The following TYW1 variants were observed in gnomAD, a reference collection of about 807,000 sequenced individuals.
TYW1 encodes tRNA-yW synthesizing protein 1 homolog, also known as S-adenosyl-L-methionine-dependent tRNA 4-demethylwyosine synthase TYW1.
TYW1 carries 46 observed loss-of-function variants against 96.2 expected under a neutral mutation model. The ratio of observed to expected loss-of-function variants is 0.48; its 90% confidence interval spans 0.38 to 0.61. The LOEUF is 0.61. TYW1 is among the 20% of genes least tolerant of loss of function. The pLI is 0.00. For missense variants in TYW1, 684 were observed against 909.6 expected (o/e 0.75, Z 3.19); for synonymous variants, 274 against 323.0 (o/e 0.85, Z 1.63).
At chr7:67,036,266 G>A (rs1794839613) in intron 7 of TYW1, among the ~76,000 whole-genome samples, 1 of 150,976 alleles carries the variant, frequency 6.6e-6, no homozygotes, top group African/African-American at 2.4e-5. Flanking sequence ...GTGGCTGCTG[G>A]GGACTGGTAT....
chr7:67,148,122 G>T lies in TYW1; in HGVS notation c.1698+30504G>T, dbSNP rs200955252. Among the ~76,000 whole-genome samples the T allele has an allele frequency of 3.0e-4, 46 of 151,980 alleles. No individual in the cohort carries two copies. The East Asian group carries it at 7.6e-3, about 25-fold the overall frequency. ...CAGAAGGCTTTGGGGTTTGTGGGGG[G>T]GCTTTGAGGGGAGGGTTATTGGTCT... On this transcript the variant is annotated intron_variant, in intron 13 of 15. Coordinates refer to ENST00000359626, the MANE Select transcript of TYW1 (RefSeq NM_018264.4).
intron 10 of TYW1, among the ~76,000 whole-genome samples, chr7:67,071,335 A>G (rs893660706): frequency 5.3e-5 from 8 of 151,652 alleles, no homozygotes; most frequent in African/African-American, 1.9e-4. Flanking sequence ...GGGGTCAGCT[A>G]ATGATTTGAC....
intron 13 of TYW1, among the ~76,000 whole-genome samples, chr7:67,180,912 G>A (rs1295632145): frequency 6.6e-6 from 1 of 152,088 alleles, no homozygotes; most frequent in Non-Finnish European, 1.5e-5. Flanking sequence ...CCAAAGTGCT[G>A]GGATTACAGG....
intron 15 of TYW1, among the ~76,000 whole-genome samples, chr7:67,215,981 C>T (rs572228929): frequency 1.4e-5 from 2 of 146,320 alleles, no homozygotes; most frequent in East Asian, 3.9e-4. Context: ...CATACAGACA[C>T]ACCCAGGATT....
At chr7:67,164,185 A>G (rs548056512) in intron 13 of TYW1, among the ~76,000 whole-genome samples, 2 of 152,264 alleles carry the variant, frequency 1.3e-5, no homozygotes, top group East Asian at 3.9e-4. Context: ...TGCTGCGTTT[A>G]TAAGTTTGTT....
Position 67,228,689 on chromosome 7 carries a change from C to A in TYW1, c.1978-9619C>A, listed in dbSNP as rs537434239. Among the ~76,000 whole-genome samples the A allele has an allele frequency of 2.6e-5, 4 of 152,280 alleles. No individual in the cohort carries two copies. In the South Asian group the frequency reaches 8.3e-4, roughly 32 times the overall value. ...CATATATAAGATTTCCTTCTTATTT[C>A]AACTCTTGAATGTGTAGAACTATGA... On this transcript the variant is annotated intron_variant, in intron 15 of 15. Coordinates refer to ENST00000359626, the MANE Select transcript of TYW1 (RefSeq NM_018264.4).
chr7:67,192,186 G>A (rs185573697), intron 14 of TYW1, among the ~76,000 whole-genome samples: 2 of 152,136 alleles, frequency 1.3e-5, no homozygotes, highest in Admixed American at 6.5e-5. Context: ...ATGAGCCACC[G>A]TGCCTAGCCT....
intron 15 of TYW1, among the ~76,000 whole-genome samples, chr7:67,206,352 C>T (rs1219636575): frequency 6.6e-6 from 1 of 152,042 alleles, no homozygotes; most frequent in Non-Finnish European, 1.5e-5. Flanking sequence ...GAGATGTGGC[C>T]AGGCACGGTG....
intron 15 of TYW1, among the ~76,000 whole-genome samples, chr7:67,217,296 T>G (rs558117170): frequency 1.3e-5 from 2 of 152,228 alleles, no homozygotes; most frequent in African/African-American, 2.4e-5. Context: ...ATTCTTTCTT[T>G]TCTTGCCTAT....
chr7:67,200,293 T>C (rs926814433), intron 15 of TYW1, among the ~76,000 whole-genome samples: 2 of 152,062 alleles, frequency 1.3e-5, no homozygotes, highest in African/African-American at 4.8e-5. Context: ...CAATGGTCCC[T>C]GTATTTGTCC....
rs2129242987 is a variant in TYW1 at position 67,017,849 on chromosome 7, A to G, written c.571-4A>G. ...CTTTTAGCCTATCTATCTTTTCCTC[A>G]CAGGTTGGCAAAAATGTTGACAAGT... is the stretch of plus-strand genomic sequence containing the variant. On this transcript the variant is annotated splice_region_variant and splice_polypyrimidine_tract_variant and intron_variant, in intron 5 of 15. Transcript: ENST00000359626. The G allele has an allele frequency of 1.9e-6, 3 of 1,609,478 alleles. No individual in the cohort carries two copies. The highest frequency in any genetic ancestry group is 8.5e-7 in the Non-Finnish European group (1 of 1,176,374).
chr7:67,025,506 A>G (rs1364172994), intron 7 of TYW1, among the ~76,000 whole-genome samples: 1 of 152,190 alleles, frequency 6.6e-6, no homozygotes, highest in African/African-American at 2.4e-5. Context: ...GAAGATGAAC[A>G]GCATGATAGG....
At chr7:67,060,059 C>T (rs1795648357) in intron 9 of TYW1, among the ~76,000 whole-genome samples, 1 of 146,920 alleles carries the variant, frequency 6.8e-6, no homozygotes, top group Non-Finnish European at 1.5e-5. Context: ...AGGTGTGAGC[C>T]ACCGTGCCCG....
rs1447043091 is a variant in TYW1 at position 67,180,406 on chromosome 7, T to TTA, written c.1699-2703_1699-2702dup. On this transcript the variant is annotated intron_variant, in intron 13 of 15. Coordinates refer to ENST00000359626, the MANE Select transcript of TYW1 (RefSeq NM_018264.4). Reference sequence around the variant, plus strand: ...TTGGTTTATATATATATATATATATTTATATATATATATATATAATTTTTT... The same window carrying TTA: ...TTGGTTTATATATATATATATATATTTATATATATATATATATATAATTTTTT... Among the ~76,000 whole-genome samples, 497 of 62,712 alleles carry TTA rather than the reference T, an allele frequency of 7.9e-3. 83 individuals carry two copies. Among genetic ancestry groups the TTA allele is most frequent in the African/African-American group, 0.022 (213 of 9,614 alleles). The allele number at this position is 62,712 out of a possible 152,430, so 41.1% of individuals were successfully genotyped here. A position where few individuals can be genotyped will look rare whatever the true frequency, so the allele number is the denominator to read the frequency against.
intron 15 of TYW1, among the ~76,000 whole-genome samples, chr7:67,228,849 A>G (rs1031121660): frequency 2.0e-5 from 3 of 152,322 alleles, no homozygotes; most frequent in Admixed American, 2.0e-4. Context: ...TCTTTGTGAC[A>G]TTTTGAGTTT....
chr7:67,159,666 T>A (rs2116210653), intron 13 of TYW1, among the ~76,000 whole-genome samples: 1 of 152,220 alleles, frequency 6.6e-6, no homozygotes, highest in South Asian at 2.1e-4. Flanking sequence ...TTCAATATAG[T>A]CTTTTATTTT....
intron 10 of TYW1, among the ~76,000 whole-genome samples, chr7:67,072,939 T>TG (rs1796074626): frequency 9.3e-6 from 1 of 107,456 alleles, no homozygotes; most frequent in African/African-American, 3.3e-5. Flanking sequence ...ATCCAGTTTT[T>TG]TTTTTTTTTT....
At chr7:67,215,988 G>A (rs1170448522) in intron 15 of TYW1, among the ~76,000 whole-genome samples, 1 of 148,278 alleles carries the variant, frequency 6.7e-6, no homozygotes, top group Non-Finnish European at 1.5e-5. Context: ...ACACACCCAG[G>A]ATTAATACTT....
At chr7:67,075,560 G>GAT (rs1439921828) in intron 10 of TYW1, among the ~76,000 whole-genome samples, 1 of 152,190 alleles carries the variant, frequency 6.6e-6, no homozygotes, top group Non-Finnish European at 1.5e-5. Context: ...GTTAAGTACT[G>GAT]ATACATGCTA....
Sources: gnomAD v4.1 joint callset for allele counts (sites outside exome capture counted in the v4.1 genomes callset) on GRCh38, gnomAD v4.1.1 for gene constraint, MANE v1.5 for transcripts, NCBI Gene and HGNC (gene_info 2026-07-23, HGNC 2026-07-21) for gene names.